The following PRDM5 variants were observed in gnomAD, a reference collection of about 807,000 sequenced individuals.
The protein encoded by PRDM5 is PR/SET domain 5, also known as PR domain zinc finger protein 5.
PRDM5 carries 56 observed loss-of-function variants against 81.2 expected under a neutral mutation model. That is an observed-to-expected ratio of 0.69 (90% CI 0.56 to 0.86). PRDM5 has a LOEUF of 0.86. Ranked by LOEUF, PRDM5 falls within the 40% of genes least tolerant of loss-of-function variation. The pLI, the probability that PRDM5 is intolerant of heterozygous loss-of-function variation, is 0.00. For missense variants in PRDM5, 697 were observed against 770.1 expected (o/e 0.91, Z 1.12); for synonymous variants, 267 against 256.4 (o/e 1.04, Z -0.39).
chr4:120,697,605 G>A (rs1020842678), intron 15 of PRDM5, among the ~76,000 whole-genome samples: 5 of 148,184 alleles, frequency 3.4e-5, no homozygotes, highest in African/African-American at 1.2e-4. Context: ...GACCTCCCTC[G>A]ACTCACATTT....
intron 14 of PRDM5, among the ~76,000 whole-genome samples, chr4:120,729,583 T>C (rs1045868715): frequency 6.6e-6 from 1 of 152,184 alleles, no homozygotes; most frequent in Non-Finnish European, 1.5e-5. Flanking sequence ...TCTTCAAGGA[T>C]ATGAAAGACT....
chr4:120,746,184 A>C (rs1742994112), intron 14 of PRDM5, among the ~76,000 whole-genome samples: 1 of 46,710 alleles, frequency 2.1e-5, no homozygotes, highest in Non-Finnish European at 4.3e-5. Flanking sequence ...AAATGGGGAA[A>C]GGATTCCCTA....
chr4:120,707,830 T>C (rs1359073026), intron 15 of PRDM5, among the ~76,000 whole-genome samples: 1 of 151,924 alleles, frequency 6.6e-6, no homozygotes, highest in African/African-American at 2.4e-5. Flanking sequence ...AAAAAGACAA[T>C]ACTATTTCAA....
intron 8 of PRDM5, among the ~76,000 whole-genome samples, chr4:120,808,912 C>T (rs905273614): frequency 3.3e-5 from 5 of 152,238 alleles, no homozygotes; most frequent in South Asian, 2.1e-4. Flanking sequence ...GGCCCGCAAG[C>T]GCCGCAGGCA....
chr4:120,804,406 AG>A (rs1326165436), intron 8 of PRDM5, among the ~76,000 whole-genome samples: 1 of 152,262 alleles, frequency 6.6e-6, no homozygotes, highest in East Asian at 1.9e-4. Context: ...CATTCTTCTC[AG>A]CACCACATTG....
chr4:120,813,930 C>T (rs1754168830), intron 7 of PRDM5, among the ~76,000 whole-genome samples: 1 of 152,180 alleles, frequency 6.6e-6, no homozygotes, highest in African/African-American at 2.4e-5. Flanking sequence ...CACTTTACCC[C>T]TGCACTCCTG....
intron 15 of PRDM5, among the ~76,000 whole-genome samples, chr4:120,697,801 G>GA (rs34381779): frequency 0.22 from 32,993 of 150,280 alleles, 4,636 homozygotes; most frequent in East Asian, 0.61. Flanking sequence ...AAACAGATGT[G>GA]AGCTACCACA....
At chr4:120,707,319 G>GA (rs1736322080) in intron 15 of PRDM5, among the ~76,000 whole-genome samples, 1 of 140,000 alleles carries the variant, frequency 7.1e-6, no homozygotes, top group African/African-American at 2.6e-5. Flanking sequence ...ACAGAACAAA[G>GA]GGAAAAAAAA....
At chr4:120,868,856 A>G (rs890304785) in intron 2 of PRDM5, among the ~76,000 whole-genome samples, 7 of 152,148 alleles carry the variant, frequency 4.6e-5, no homozygotes, top group African/African-American at 1.4e-4. Context: ...AGATAAAAAT[A>G]AGGCATTTAC....
chr4:120,716,655 C>G (rs901614993), intron 14 of PRDM5, among the ~76,000 whole-genome samples: 2 of 152,156 alleles, frequency 1.3e-5, no homozygotes, highest in Non-Finnish European at 2.9e-5. Context: ...ATGGCAGATA[C>G]TAGTCAGACT....
intron 2 of PRDM5, among the ~76,000 whole-genome samples, chr4:120,855,268 G>T (rs924368512): frequency 2.6e-5 from 4 of 152,074 alleles, no homozygotes; most frequent in African/African-American, 9.7e-5. Flanking sequence ...AATAATGAAT[G>T]CCAGACCATC....
chr4:120,830,764 C>A (rs540038333), intron 3 of PRDM5, among the ~76,000 whole-genome samples: 4 of 151,950 alleles, frequency 2.6e-5, no homozygotes, highest in Admixed American at 6.6e-5. Context: ...ATCTGGTTTG[C>A]TAGTCATAGC....
intron 14 of PRDM5, among the ~76,000 whole-genome samples, chr4:120,736,438 G>C (rs753224757): frequency 3.8e-4 from 58 of 152,202 alleles, no homozygotes; most frequent in Non-Finnish European, 6.8e-4. Context: ...TGCTGGTAGT[G>C]GCCAGTAACC....
At position 120,799,733 on chromosome 4, in the gene PRDM5, A is replaced by C. The variant is rs975072246; in HGVS notation, c.958T>G (p.Phe320Val). Residue 320 changes from phenylalanine (F) to valine (V), a missense_variant, in exon 9 of 16, where the codon TTT (phenylalanine) becomes GTT (valine). Physicochemically the swap from Phe to Val is conservative, Grantham distance 50. This residue lies in a region of PRDM5 where 577 missense variants were observed against 606.7 expected (regional missense o/e 0.95). Transcript: ENST00000264808. ...LQEHRKIHEI[F>V]DCQECMKKFI... ...TTCTTCATACATTCTTGACAATCAA[A>C]TATCTCATGAATCTGCAAAAGGTTA... 11 of 1,612,524 alleles carry C rather than the reference A, an allele frequency of 6.8e-6. No homozygotes were observed. The highest frequency in any genetic ancestry group is 1.1e-5 in the South Asian group (1 of 90,932).
intron 14 of PRDM5, among the ~76,000 whole-genome samples, chr4:120,731,264 TACA>T (rs1740207052): frequency 6.6e-6 from 1 of 151,822 alleles, no homozygotes; most frequent in Non-Finnish European, 1.5e-5. Context: ...CAGTGCAATG[TACA>T]ACAAGTGATG....
In PRDM5 at chr4:120,885,188, T is replaced by TTAC. The variant is rs142669350; in HGVS notation, c.177+22283_177+22285dup. 3.6e-3 allele frequency among the ~76,000 whole-genome samples: 505 copies of TTAC among 141,414 alleles called. 5 individuals carry two copies. The highest frequency in any genetic ancestry group is 0.014 in the East Asian group (68 of 4,806). 92.8% of individuals were successfully genotyped at this position (141,414 alleles called of 152,430 possible). On this transcript the variant is annotated intron_variant, in intron 2 of 15. Transcript: ENST00000264808. ...AAGAAAAGAAAAGACATACGACACATTACCCACCTCTGGCATATTAGAGGA... is the reference window on the plus strand; with the variant it reads ...AAGAAAAGAAAAGACATACGACACATTACTACCCACCTCTGGCATATTAGAGGA...
In PRDM5 at chr4:120,742,301, A is replaced by C. The variant is rs541458846; in HGVS notation, c.1623+12252T>G. Among the ~76,000 whole-genome samples the C allele has an allele frequency of 7.2e-5, 11 of 152,312 alleles. 1 individual carries two copies. In the South Asian group the frequency reaches 2.3e-3, roughly 32 times the overall value. ...TGTACATCACCATCATCAAAGACCAAAGGTAGATAAAACCACAAAGATGGG... is the reference window on the plus strand; with the variant it reads ...TGTACATCACCATCATCAAAGACCACAGGTAGATAAAACCACAAAGATGGG... On this transcript the variant is annotated intron_variant, in intron 14 of 15. Transcript: ENST00000264808.
At chr4:120,808,786 T>C (rs894991777) in intron 8 of PRDM5, among the ~76,000 whole-genome samples, 11 of 152,296 alleles carry the variant, frequency 7.2e-5, no homozygotes, top group Middle Eastern at 3.4e-3. Context: ...TGTGAGAAAT[T>C]GAGCACAGCA....
intron 4 of PRDM5, 146 bp from the exon 5 acceptor site, chr4:120,818,673 G>T: frequency 1.4e-6 from 1 of 698,974 alleles, no homozygotes; most frequent in East Asian, 2.8e-5. Context: ...AATATTAATA[G>T]TATTTGGCCA....
Sources: gnomAD v4.1 joint callset for allele counts (sites outside exome capture counted in the v4.1 genomes callset) on GRCh38, gnomAD v4.1.1 for gene constraint, gnomAD v4.1.1 regional missense constraint, MANE v1.5 for transcripts, NCBI Gene and HGNC (gene_info 2026-07-23, HGNC 2026-07-21) for gene names.